C6orf132: variants seen among roughly 807,000 people sequenced by gnomAD.
C6orf132 encodes chromosome 6 open reading frame 132, also known as uncharacterized protein C6orf132.
C6orf132 carries 43 observed loss-of-function variants against 65.3 expected under a neutral mutation model. The observed-to-expected ratio is 0.66, with a 90% CI of 0.52 to 0.85. The LOEUF (loss-of-function observed/expected upper bound fraction) is 0.85, where lower values mean the gene tolerates loss of function less well. C6orf132 is among the 40% of genes least tolerant of loss of function. The pLI, the probability that C6orf132 is intolerant of heterozygous loss-of-function variation, is 0.00. For missense variants in C6orf132, 1,488 were observed against 1,548.8 expected (o/e 0.96, Z 0.66); for synonymous variants, 631 against 654.1 (o/e 0.96, Z 0.54).
intron 2 of C6orf132, among the ~76,000 whole-genome samples, chr6:42,114,735 T>C (rs1035360760): frequency 3.3e-5 from 5 of 152,218 alleles, no homozygotes; most frequent in African/African-American, 1.2e-4. Context: ...CAGGGCACAG[T>C]GGCTCACGCT....
rs80140526 is a variant in C6orf132 at position 42,103,947 on chromosome 6, G to C, written c.3450-69C>G. 3.7e-3 allele frequency: 3,814 copies of C among 1,044,816 alleles called. 106 individuals carry two copies. The African/African-American group carries it at 0.057, about 16-fold the overall frequency. 64.7% of individuals were successfully genotyped at this position (1,044,816 alleles called of 1,614,324 possible). ...TAGCCAACACGTCTCTCATCTCCCC[G>C]AGGGACCGAGAGGAAAAGATGCTGC... On this transcript the variant is annotated intron_variant, in intron 4 of 4. Coordinates refer to ENST00000341865, the MANE Select transcript of C6orf132 (RefSeq NM_001164446.3).
chr6:42,110,371 T>G (rs1026150243), intron 2 of C6orf132, 80 bp from the exon 3 acceptor site: 43 of 1,146,218 alleles, frequency 3.8e-5, no homozygotes, highest in Admixed American at 1.1e-4. Context: ...TGAGGCCATT[T>G]TACTGCTTGA....
chr6:42,105,069 CT>C lies in C6orf132; in HGVS notation c.2842del (p.Arg948GlufsTer2). The part of the protein sequence containing the change: ...PEPQAPVAWE[R>X]VAPSNLPQGH... Reference sequence around the variant, plus strand: ...CTGGGGGAGGTTGGAGGGAGCTACTCTTTCCCAGGCCACAGGGGCCTGGGGC... The same window carrying C: ...CTGGGGGAGGTTGGAGGGAGCTACTCTTCCCAGGCCACAGGGGCCTGGGGC... On this transcript the variant is annotated frameshift_variant, in exon 4 of 5. Transcript: ENST00000341865. LOFTEE classifies it high-confidence loss of function. The C allele has an allele frequency of 6.5e-7, 1 of 1,536,938 alleles. No homozygotes were observed. The highest frequency in any genetic ancestry group is 8.7e-7 in the Non-Finnish European group (1 of 1,146,850).
intron 1 of C6orf132, among the ~76,000 whole-genome samples, chr6:42,130,491 G>C (rs569815384): frequency 6.6e-6 from 1 of 152,192 alleles, no homozygotes; most frequent in Non-Finnish European, 1.5e-5. Flanking sequence ...TAGACCTGAC[G>C]TGATGTGGCT....
Position 42,110,079 on chromosome 6 carries a change from G to A in C6orf132, c.328+137C>T, listed in dbSNP as rs1766471382. Reference sequence around the variant, plus strand: ...ACTGCGGCCAGTAATCAAGATGACTGAGGATGGCGAGAGTGGCTGTGCCTG... The same window carrying A: ...ACTGCGGCCAGTAATCAAGATGACTAAGGATGGCGAGAGTGGCTGTGCCTG... On this transcript the variant is annotated intron_variant, in intron 3 of 4. Coordinates refer to ENST00000341865, the MANE Select transcript of C6orf132 (RefSeq NM_001164446.3). 7.4e-6 allele frequency: 5 copies of A among 678,188 alleles called. No homozygotes were observed. In the East Asian group the frequency reaches 1.2e-4, roughly 16 times the overall value. 42.0% of individuals were successfully genotyped at this position (678,188 alleles called of 1,614,324 possible). A position where few individuals can be genotyped will look rare whatever the true frequency, so the allele number is the denominator to read the frequency against.
At chr6:42,137,466 G>A (rs1253226418) in intron 1 of C6orf132, among the ~76,000 whole-genome samples, 2 of 152,128 alleles carry the variant, frequency 1.3e-5, no homozygotes, top group Non-Finnish European at 2.9e-5. Context: ...GACTCCCGGG[G>A]TAGGAGGTGG....
intron 1 of C6orf132, among the ~76,000 whole-genome samples, chr6:42,135,319 C>A (rs868484506): frequency 1.2e-4 from 19 of 152,356 alleles, no homozygotes; most frequent in African/African-American, 4.3e-4. Context: ...CCCTGACTTG[C>A]ACTGCCTTAC....
intron 2 of C6orf132, among the ~76,000 whole-genome samples, chr6:42,125,444 C>G (rs1582279724): frequency 1.3e-5 from 2 of 152,178 alleles, no homozygotes; most frequent in South Asian, 4.1e-4. Context: ...CATACGGTGG[C>G]CACGATCACA....
intron 2 of C6orf132, among the ~76,000 whole-genome samples, chr6:42,116,167 A>G (rs1766568118): frequency 6.6e-6 from 1 of 150,902 alleles, no homozygotes; most frequent in South Asian, 2.1e-4. Context: ...TGAGCTTGTG[A>G]TCCGCCCGCC....
Position 42,107,404 on chromosome 6 carries a change from CTGT to C in C6orf132, c.505_507del (p.Thr169del). On this transcript the variant is annotated inframe_deletion, in exon 4 of 5. Coordinates refer to ENST00000341865, the MANE Select transcript of C6orf132 (RefSeq NM_001164446.3). ...AGCAGCAGGGGAGGTGGTGGGGGTG[CTGT>C]GGAAGGTGGAGATGGCAGTGGCGAC... The C allele has an allele frequency of 7.2e-7, 1 of 1,379,378 alleles. No individual in the cohort carries two copies. The highest frequency in any genetic ancestry group is 9.7e-7 in the Non-Finnish European group (1 of 1,026,882). 85.4% of individuals were successfully genotyped at this position (1,379,378 alleles called of 1,614,324 possible). A position where few individuals can be genotyped will look rare whatever the true frequency, so the allele number is the denominator to read the frequency against.
intron 2 of C6orf132, among the ~76,000 whole-genome samples, chr6:42,121,590 G>A (rs1442594595): frequency 6.6e-6 from 1 of 152,212 alleles, no homozygotes; most frequent in East Asian, 1.9e-4. Flanking sequence ...TCAGAGCTCA[G>A]CCAAGTCTCA....
chr6:42,120,120 A>C (rs1420797225), intron 2 of C6orf132, among the ~76,000 whole-genome samples: 4 of 151,976 alleles, frequency 2.6e-5, no homozygotes, highest in Non-Finnish European at 5.9e-5. Context: ...AACAAAAAAA[A>C]CCCATCATCA....
Position 42,105,074 on chromosome 6 carries a change from C to T in C6orf132, c.2838G>A (p.Trp946Ter), listed in dbSNP as rs368362618. ...TKPEPQAPVAWERVAPSNLPQ... is the reference protein window; with the variant it reads ...TKPEPQAPVA ...GGAGGTTGGAGGGAGCTACTCTTTC[C>T]CAGGCCACAGGGGCCTGGGGCTCTG... Residue 946 changes from tryptophan to a stop codon, truncating the protein, a stop_gained, in exon 4 of 5, where the codon TGG becomes TGA. Transcript: ENST00000341865. LOFTEE classifies it high-confidence loss of function. 208 of 1,536,828 alleles carry T rather than the reference C, an allele frequency of 1.4e-4. No homozygotes were observed. The highest frequency in any genetic ancestry group is 1.7e-4 in the Non-Finnish European group (199 of 1,146,866).
chr6:42,104,838 T>G lies in C6orf132; in HGVS notation c.3074A>C (p.Asn1025Thr). 6.9e-7 allele frequency: 1 copy of G among 1,455,364 alleles called. No individual in the cohort carries two copies. Among genetic ancestry groups the G allele is most frequent in the Non-Finnish European group, 9.0e-7 (1 of 1,110,596 alleles). 90.2% of individuals were successfully genotyped at this position (1,455,364 alleles called of 1,614,324 possible). A position where few individuals can be genotyped will look rare whatever the true frequency, so the allele number is the denominator to read the frequency against. Reference sequence around the variant, plus strand: ...AGCCGGGGGCGCCCCGGGGCCAGCGTTCGGGAGCTGCCTCAAGTCTGAGTA... The same window carrying G: ...AGCCGGGGGCGCCCCGGGGCCAGCGGTCGGGAGCTGCCTCAAGTCTGAGTA... Reference protein sequence around the residue: ...NNYSDLRQLPNAGPGAPPALG... With the variant: ...NNYSDLRQLPTAGPGAPPALG... The change falls in exon 4 of 5, where the codon AAC (asparagine) becomes ACC (threonine). Residue 1025 changes from asparagine to threonine, a missense_variant. Coordinates refer to ENST00000341865, the MANE Select transcript of C6orf132 (RefSeq NM_001164446.3). This position sits in a 1 kb window ranked among gnomAD's most constrained non-coding sequence, Gnocchi z 4.1.
chr6:42,101,706 AATAC>A lies in C6orf132; in HGVS notation c.*2051_*2054del, dbSNP rs1766286036. On this transcript the variant is annotated 3_prime_UTR_variant, in exon 5 of 5. Coordinates refer to ENST00000341865, the MANE Select transcript of C6orf132 (RefSeq NM_001164446.3). ...CTTTTATAAAACATTGTACAGGGAAAATACATACATAGAGAGCTAGTGCTGGGGC... is the reference window on the plus strand; with the variant it reads ...CTTTTATAAAACATTGTACAGGGAAAATACATAGAGAGCTAGTGCTGGGGC... 6.6e-6 allele frequency: 1 copy of A among 152,238 alleles called. No individual in the cohort carries two copies. The highest frequency in any genetic ancestry group is 1.5e-5 in the Non-Finnish European group (1 of 68,076). The allele number at this position is 152,238 out of a possible 1,614,324, so 9.4% of individuals were successfully genotyped here.
rs188915646 is a variant in C6orf132, at chr6:42,111,368, C to T, written c.253-1077G>A. On this transcript the variant is annotated intron_variant, in intron 2 of 4. Coordinates refer to ENST00000341865, the MANE Select transcript of C6orf132 (RefSeq NM_001164446.3). The stretch of plus-strand genomic sequence containing the variant: ...TGATCTCTGCTCACCACAACCTCTG[C>T]CTCCTGGGTTCAAGCAATTCTCCTG... Among the ~76,000 whole-genome samples, 9 of 150,034 alleles carry T rather than the reference C, an allele frequency of 6.0e-5. No individual in the cohort carries two copies. The East Asian group carries it at 1.8e-3, about 29-fold the overall frequency.
In C6orf132 at chr6:42,105,078, G is replaced by A; in HGVS notation, c.2834C>T (p.Ala945Val). 1 of 1,536,900 alleles carries A rather than the reference G, an allele frequency of 6.5e-7. No individual in the cohort carries two copies. Among genetic ancestry groups the A allele is most frequent in the Non-Finnish European group, 8.7e-7 (1 of 1,146,836 alleles). Reference protein sequence around the residue: ...WTKPEPQAPVAWERVAPSNLP... With the variant: ...WTKPEPQAPVVWERVAPSNLP... ...GTTGGAGGGAGCTACTCTTTCCCAGGCCACAGGGGCCTGGGGCTCTGGCTT... is the reference window on the plus strand; with the variant it reads ...GTTGGAGGGAGCTACTCTTTCCCAGACCACAGGGGCCTGGGGCTCTGGCTT... Residue 945 changes from alanine to valine, a missense_variant, in exon 4 of 5, where the codon GCC (alanine) becomes GTC (valine). Transcript: ENST00000341865.
intron 1 of C6orf132, among the ~76,000 whole-genome samples, chr6:42,135,171 C>T (rs1766919856): frequency 6.6e-6 from 1 of 152,238 alleles, no homozygotes; most frequent in Admixed American, 6.5e-5. Flanking sequence ...CACCGGGAGG[C>T]AGGCGGCCCT....
chr6:42,128,249 G>A (rs1001493119), intron 2 of C6orf132, among the ~76,000 whole-genome samples: 3 of 152,236 alleles, frequency 2.0e-5, no homozygotes, highest in African/African-American at 4.8e-5. Flanking sequence ...TGAATATACC[G>A]GGTTAAGCAA....
Sources: gnomAD v4.1 joint callset for allele counts (sites outside exome capture counted in the v4.1 genomes callset) on GRCh38, gnomAD v4.1.1 for gene constraint, Gnocchi (gnomAD v3.1) non-coding constraint, MANE v1.5 for transcripts, NCBI Gene and HGNC (gene_info 2026-07-23, HGNC 2026-07-21) for gene names.